Variants in MAP4K5 observed in about 807,000 individuals in gnomAD.
MAP4K5 encodes mitogen-activated protein kinase kinase kinase kinase 5.
Under a neutral mutation model 135.6 loss-of-function variants are expected in MAP4K5, and 82 were observed. The ratio of observed to expected loss-of-function variants is 0.60; its 90% confidence interval spans 0.51 to 0.73. MAP4K5 has a LOEUF of 0.73. Among genes scored for constraint, MAP4K5 ranks in the 30% least tolerant of loss-of-function variants. The pLI, the probability that MAP4K5 is intolerant of heterozygous loss-of-function variation, is 0.00. For missense variants in MAP4K5, 907 were observed against 1,010.9 expected, an observed-to-expected ratio of 0.90 and a Z score of 1.39; for synonymous variants, 347 against 335.0, an observed-to-expected ratio of 1.04 and a Z score of -0.39.
At position 50,439,624 on chromosome 14, in the gene MAP4K5, TGA is replaced by T. The variant is rs144156901; in HGVS notation, c.1705+387_1705+388del. Among the ~76,000 whole-genome samples the T allele has an allele frequency of 7.9e-3, 1,208 of 152,272 alleles. 20 individuals carry two copies. Among genetic ancestry groups the T allele is most frequent in the African/African-American group, 0.027 (1,112 of 41,558 alleles). On this transcript the variant is annotated intron_variant, in intron 23 of 32. Coordinates refer to ENST00000682126, the MANE Select transcript of MAP4K5 (RefSeq NM_006575.6). ...ATTTTATAATTAAGATAAATGAGGC[TGA>T]GAGACAGTGACTTGTTCAGGATCGC...
chr14:50,423,641 T>C (rs552218779), intron 31 of MAP4K5, among the ~76,000 whole-genome samples: 2 of 152,226 alleles, frequency 1.3e-5, no homozygotes, highest in African/African-American at 4.8e-5. Flanking sequence ...CAGTGGTGCA[T>C]GCCTGTAGTC....
chr14:50,439,461 A>G (rs2036175775), intron 23 of MAP4K5, among the ~76,000 whole-genome samples: 1 of 152,124 alleles, frequency 6.6e-6, no homozygotes, highest in Admixed American at 6.6e-5. Flanking sequence ...AGTCCAAGAT[A>G]GTTAATGTGT....
intron 1 of MAP4K5, among the ~76,000 whole-genome samples, chr14:50,545,363 T>A (rs901871088): frequency 6.6e-6 from 1 of 152,162 alleles, no homozygotes; most frequent in Non-Finnish European, 1.5e-5. Flanking sequence ...GGGCTTTTCT[T>A]ATAACAATTG....
chr14:50,473,850 A>G lies in MAP4K5; in HGVS notation c.542+1227T>C, dbSNP rs1274890949. ...GCCCTTCTCCTGCCTCAGCCTCCCGAGGAGCTGGGACTACAGGCACCTGCC... is the reference window on the plus strand; with the variant it reads ...GCCCTTCTCCTGCCTCAGCCTCCCGGGGAGCTGGGACTACAGGCACCTGCC... On this transcript the variant is annotated intron_variant, in intron 9 of 32. Transcript: ENST00000682126. Among the ~76,000 whole-genome samples the G allele has an allele frequency of 2.6e-5, 4 of 151,362 alleles. No individual in the cohort carries two copies. In the East Asian group the frequency reaches 7.8e-4, roughly 29 times the overall value.
Position 50,443,584 on chromosome 14 carries a change from C to T in MAP4K5, c.1479+145G>A, listed in dbSNP as rs80355958. ...CAATTCACACACTCAAATTAGAATA[C>T]ATGATGAGATATCCAAATGCATTCA... On this transcript the variant is annotated intron_variant, in intron 20 of 32. Coordinates refer to ENST00000682126, the MANE Select transcript of MAP4K5 (RefSeq NM_006575.6). The T allele has an allele frequency of 4.2e-3, 2,796 of 673,382 alleles. 53 individuals are homozygous for T. In the African/African-American group the frequency reaches 0.046, roughly 11 times the overall value. The allele number at this position is 673,382 out of a possible 1,614,324, so 41.7% of individuals were successfully genotyped here.
At chr14:50,557,174 A>G (rs2038774832) in intron 1 of MAP4K5, among the ~76,000 whole-genome samples, 1 of 152,220 alleles carries the variant, frequency 6.6e-6, no homozygotes, top group South Asian at 2.1e-4. Context: ...GATTATAGTC[A>G]TCATAGTAAG....
At chr14:50,554,096 A>C (rs564255062) in intron 1 of MAP4K5, among the ~76,000 whole-genome samples, 1 of 150,110 alleles carries the variant, frequency 6.7e-6, no homozygotes, top group Non-Finnish European at 1.5e-5. Flanking sequence ...AAAACTATTG[A>C]AATTTTTAAA....
At chr14:50,502,033 T>C (rs2037717175) in intron 3 of MAP4K5, among the ~76,000 whole-genome samples, 1 of 152,280 alleles carries the variant, frequency 6.6e-6, no homozygotes, top group African/African-American at 2.4e-5. Flanking sequence ...ATTAAGCAGA[T>C]GTGCCACAAA....
intron 2 of MAP4K5, among the ~76,000 whole-genome samples, chr14:50,523,672 C>T: frequency 6.6e-6 from 1 of 152,156 alleles, no homozygotes. Context: ...TACCTTTAAT[C>T]TCCTTGTAAC....
intron 3 of MAP4K5, among the ~76,000 whole-genome samples, chr14:50,504,540 T>C (rs1355760259): frequency 6.6e-6 from 1 of 152,116 alleles, no homozygotes; most frequent in African/African-American, 2.4e-5. Flanking sequence ...GAAGTTCAAA[T>C]ACTTCACTAT....
chr14:50,464,153 T>A lies in MAP4K5; in HGVS notation c.738-20A>T. 2.5e-6 allele frequency: 3 copies of A among 1,213,258 alleles called. No homozygotes were observed. The highest frequency in any genetic ancestry group is 3.6e-6 in the Non-Finnish European group (3 of 843,122). The allele number at this position is 1,213,258 out of a possible 1,614,324, so 75.2% of individuals were successfully genotyped here. ...GATGACCTTAAAATAAAAAGAGACG[T>A]ACAAAAATATTTCACTACTATTACG... On this transcript the variant is annotated intron_variant, in intron 11 of 32. Coordinates refer to ENST00000682126, the MANE Select transcript of MAP4K5 (RefSeq NM_006575.6).
At chr14:50,466,167 A>G (rs897291787) in intron 11 of MAP4K5, among the ~76,000 whole-genome samples, 1 of 152,122 alleles carries the variant, frequency 6.6e-6, no homozygotes, top group African/African-American at 2.4e-5. Context: ...CCTTGAGGCC[A>G]GGAGTTTGAG....
At chr14:50,467,532 A>G (rs771369458) in intron 10 of MAP4K5, among the ~76,000 whole-genome samples, 2 of 152,004 alleles carry the variant, frequency 1.3e-5, no homozygotes, top group African/African-American at 2.4e-5. Flanking sequence ...TTTGGTTCAT[A>G]CATATGTAAT....
At chr14:50,504,443 C>A (rs1284932331) in intron 3 of MAP4K5, among the ~76,000 whole-genome samples, 1 of 152,086 alleles carries the variant, frequency 6.6e-6, no homozygotes, top group Non-Finnish European at 1.5e-5. Context: ...AAGGGAATAG[C>A]TGACAAACAA....
chr14:50,548,252 G>T (rs1402094829), intron 1 of MAP4K5, among the ~76,000 whole-genome samples: 1 of 152,182 alleles, frequency 6.6e-6, no homozygotes, highest in Non-Finnish European at 1.5e-5. Context: ...GCTACTGGAG[G>T]ATATTCATTC....
intron 13 of MAP4K5, among the ~76,000 whole-genome samples, chr14:50,460,475 T>C (rs1282218353): frequency 6.6e-6 from 1 of 152,214 alleles, no homozygotes; most frequent in South Asian, 2.1e-4. Flanking sequence ...TTTACATAAC[T>C]AGTGAAAGGC....
intron 28 of MAP4K5, among the ~76,000 whole-genome samples, chr14:50,431,376 A>G (rs1011591412): frequency 6.6e-6 from 1 of 152,146 alleles, no homozygotes; most frequent in Non-Finnish European, 1.5e-5. Flanking sequence ...AGCATTAGGT[A>G]TATCTCCCAA....
chr14:50,422,279 C>T (rs2035751466), intron 32 of MAP4K5, among the ~76,000 whole-genome samples: 1 of 152,140 alleles, frequency 6.6e-6, no homozygotes, highest in Non-Finnish European at 1.5e-5. Context: ...GCTTTGTGGG[C>T]TTACCTTTTC....
intron 3 of MAP4K5, among the ~76,000 whole-genome samples, chr14:50,499,229 G>A (rs999435105): frequency 3.3e-5 from 5 of 151,990 alleles, no homozygotes; most frequent in African/African-American, 1.2e-4. Flanking sequence ...ATATGAAAGG[G>A]GGAAAAAAGA....
Sources: allele counts gnomAD v4.1 joint callset (sites outside exome capture counted in the v4.1 genomes callset), GRCh38; gene constraint gnomAD v4.1.1; transcripts MANE v1.5; gene names NCBI Gene and HGNC (gene_info 2026-07-23, HGNC 2026-07-21).